The following PKN3 variants were observed in gnomAD, a reference collection of about 807,000 sequenced individuals.
The protein encoded by PKN3 is protein kinase N3, also known as serine/threonine-protein kinase N3.
PKN3 carries 91 observed loss-of-function variants against 113.1 expected under a neutral mutation model. That is an observed-to-expected ratio of 0.80 (90% confidence interval 0.68 to 0.96). PKN3 has a LOEUF of 0.96. PKN3 is among the 40% of genes least tolerant of loss of function. PKN3 has a pLI of 0.00. For synonymous variants in PKN3, 467 were observed against 499.0 expected (o/e 0.94, Z 0.85); for missense variants, 1,052 against 1,202.2 (o/e 0.88, Z 1.85).
intron 1 of PKN3, chr9:128,703,619 G>A (rs758605763): frequency 1.6e-4 from 156 of 985,320 alleles, no homozygotes; most frequent in Non-Finnish European, 1.8e-4. Context: ...GGTTGGGAGG[G>A]GGGCATTTGC....
At chr9:128,708,859 AAG>A (rs1443865128) in intron 6 of PKN3, among the ~76,000 whole-genome samples, 1 of 146,730 alleles carries the variant, frequency 6.8e-6, no homozygotes, top group Non-Finnish European at 1.5e-5. Flanking sequence ...AAAAAAAAGA[AAG>A]AGTTTTCTGG....
At position 128,706,952 on chromosome 9, in the gene PKN3, G is replaced by T; in HGVS notation, c.580G>T (p.Ala194Ser). The change falls in exon 5 of 22, where the codon GCT (alanine) becomes TCT (serine). Residue 194 changes from alanine (A) to serine (S), a missense_variant. Physicochemically the swap from Ala to Ser is moderately conservative, Grantham distance 99. This residue lies in a region of PKN3 where 719 missense variants were observed against 759.4 expected (regional missense o/e 0.95). Transcript: ENST00000291906. ...QHRLHVEAAV[A>S]EGAKNVVKLL... ...TCGACTGCACGTTGAGGCAGCTGTG[G>T]CTGAGGGCGCCAAGAACGTGGTGAA... 1 of 1,614,220 alleles carries T rather than the reference G, an allele frequency of 6.2e-7. No homozygotes were observed. Among genetic ancestry groups the T allele is most frequent in the Non-Finnish European group, 8.5e-7 (1 of 1,180,026 alleles).
chr9:128,708,210 G>A (rs1272982661), intron 6 of PKN3, among the ~76,000 whole-genome samples: 1 of 151,702 alleles, frequency 6.6e-6, no homozygotes, highest in East Asian at 1.9e-4. Context: ...GTGAAATCCT[G>A]TCTCTACTAA....
At chr9:128,706,491 T>C (rs1862022102) in intron 3 of PKN3, among the ~76,000 whole-genome samples, 2 of 152,032 alleles carry the variant, frequency 1.3e-5, no homozygotes, top group South Asian at 4.1e-4. Flanking sequence ...ACCCCAGCCG[T>C]GATATGAAAG....
chr9:128,705,395 C>T lies in PKN3; in HGVS notation c.117C>T (p.Asn39=), dbSNP rs780765860. The T allele has an allele frequency of 8.1e-6, 13 of 1,597,512 alleles. No homozygotes were observed. The East Asian group carries it at 1.6e-4, about 20-fold the overall frequency. ...KELKIKEGVE[N]LRRVATDRRH... ...TGAAGATCAAGGAGGGGGTGGAGAACCTGCGGCGCGTGGCCACAGACCGCC... is the reference window on the plus strand; with the variant it reads ...TGAAGATCAAGGAGGGGGTGGAGAATCTGCGGCGCGTGGCCACAGACCGCC... Residue 39 remains asparagine, a synonymous_variant, in exon 2 of 22, where the codon AAC becomes AAT. Coordinates refer to ENST00000291906, the MANE Select transcript of PKN3 (RefSeq NM_013355.5).
At chr9:128,711,611 G>C (rs1449813114) in intron 6 of PKN3, among the ~76,000 whole-genome samples, 1 of 136,084 alleles carries the variant, frequency 7.3e-6, no homozygotes, top group Non-Finnish European at 1.6e-5. Context: ...TTTTTGGGGG[G>C]GGTGGGGGAC....
chr9:128,714,843 T>C lies in PKN3; in HGVS notation c.1630T>C (p.Ser544Pro). The change falls in exon 13 of 22, where the codon TCT (serine) becomes CCT (proline). Residue 544 changes from serine (S) to proline (P), a missense_variant. By Grantham distance (74) the Ser-to-Pro change is moderately conservative. This residue lies in a region of PKN3 where 719 missense variants were observed against 759.4 expected (regional missense o/e 0.95). Coordinates refer to ENST00000291906, the MANE Select transcript of PKN3 (RefSeq NM_013355.5). ...GGAGCCTAGGACTCGACGTGGGCCA[T>C]CTCCACCAGCCTCCCCCACCAGGTA... The part of the protein sequence containing the change: ...HMEPRTRRGP[S>P]PPASPTRKPP... 4 of 1,613,974 alleles carry C rather than the reference T, an allele frequency of 2.5e-6. No homozygotes were observed. The South Asian group carries it at 4.4e-5, about 18-fold the overall frequency.
Position 128,715,692 on chromosome 9 carries a change from C to A in PKN3, c.1808+232C>A, listed in dbSNP as rs1862318477. Reference sequence around the variant, plus strand: ...CATTGGTGGCTGTGCACGTTCAGAGCTCCTTGTGAGCCCCTGACATATAGA... The same window carrying A: ...CATTGGTGGCTGTGCACGTTCAGAGATCCTTGTGAGCCCCTGACATATAGA... On this transcript the variant is annotated intron_variant, in intron 15 of 21. Coordinates refer to ENST00000291906, the MANE Select transcript of PKN3 (RefSeq NM_013355.5). The surrounding 1 kb of genome is among the most constrained non-coding windows in gnomAD (Gnocchi z 4.1). Among the ~76,000 whole-genome samples the A allele has an allele frequency of 6.6e-6, 1 of 152,162 alleles. No individual in the cohort carries two copies. The highest frequency in any genetic ancestry group is 1.5e-5 in the Non-Finnish European group (1 of 68,042).
rs1862484885 is a variant in PKN3, at chr9:128,720,063, C to A, written c.2376+46C>A. On this transcript the variant is annotated intron_variant, in intron 20 of 21. Coordinates refer to ENST00000291906, the MANE Select transcript of PKN3 (RefSeq NM_013355.5). This position sits in a 1 kb window ranked among gnomAD's most constrained non-coding sequence, Gnocchi z 5.5. ...GGCTGGGCTGGATGGCCGCTCAAGG[C>A]CCATGTGCCCTCTGCCGTGGGACAG... 6.4e-7 allele frequency: 1 copy of A among 1,560,266 alleles called. No homozygotes were observed. The highest frequency in any genetic ancestry group is 8.8e-7 in the Non-Finnish European group (1 of 1,131,478).
At position 128,713,373 on chromosome 9, in the gene PKN3, A is replaced by C. The variant is rs1172384585; in HGVS notation, c.1078A>C (p.Ile360Leu). Residue 360 changes from isoleucine (I) to leucine (L), a missense_variant, in exon 8 of 22, where the codon ATC (isoleucine) becomes CTC (leucine). Ile to Leu is a conservative substitution (Grantham distance 5). Coordinates refer to ENST00000291906, the MANE Select transcript of PKN3 (RefSeq NM_013355.5). ...AEQSWDQTFV[I>L]PLERARELEI... ...ACAGTCCTGGGACCAGACCTTTGTC[A>C]TCCCACTGGAGCGAGTAAGGCTGGC... 4 of 1,613,904 alleles carry C rather than the reference A, an allele frequency of 2.5e-6. No homozygotes were observed. Among genetic ancestry groups the C allele is most frequent in the Non-Finnish European group, 3.4e-6 (4 of 1,179,988 alleles).
Position 128,702,701 on chromosome 9 carries a change from C to G in PKN3, c.-215C>G. Reference sequence around the variant, plus strand: ...TGGATCCGAGGGAGGCGCTGGGGCGCGGGACCTCGGGCGTGGGGTCCCGGG... The same window carrying G: ...TGGATCCGAGGGAGGCGCTGGGGCGGGGGACCTCGGGCGTGGGGTCCCGGG... On this transcript the variant is annotated 5_prime_UTR_variant, in exon 1 of 22. Coordinates refer to ENST00000291906, the MANE Select transcript of PKN3 (RefSeq NM_013355.5). The G allele has an allele frequency of 4.3e-6, 2 of 470,264 alleles. No individual in the cohort carries two copies. The highest frequency in any genetic ancestry group is 7.4e-6 in the Non-Finnish European group (2 of 270,056). 29.1% of individuals were successfully genotyped at this position (470,264 alleles called of 1,614,324 possible). A position where few individuals can be genotyped will look rare whatever the true frequency, so the allele number is the denominator to read the frequency against.
At chr9:128,710,510 G>A (rs546345787) in intron 6 of PKN3, among the ~76,000 whole-genome samples, 182 of 150,568 alleles carry the variant, frequency 1.2e-3, no homozygotes, top group African/African-American at 4.1e-3. Context: ...TTTTTTTTTT[G>A]AGATGGAGTC....
intron 8 of PKN3, 30 bp downstream of exon 8, chr9:128,713,417 G>A: frequency 6.2e-7 from 1 of 1,612,798 alleles, no homozygotes; most frequent in Non-Finnish European, 8.5e-7. Context: ...GGTCAGGGGT[G>A]ACCTTGGGCT....
intron 1 of PKN3, chr9:128,703,576 G>A: frequency 1.0e-6 from 1 of 985,466 alleles, no homozygotes; most frequent in Non-Finnish European, 1.2e-6. Context: ...TGCTCCTGAG[G>A]AGGGAGAGGT....
Position 128,714,246 on chromosome 9 carries a change from G to A in PKN3, c.1362G>A (p.Trp454Ter), listed in dbSNP as rs139012351. 5.0e-6 allele frequency: 8 copies of A among 1,613,786 alleles called. No homozygotes were observed. The African/African-American group carries it at 8.0e-5, about 16-fold the overall frequency. ...ASQMNLGMAA[W>*]GRLVMNLLPP... is the part of the protein sequence containing the mutation. Reference sequence around the variant, plus strand: ...AGATGAACCTCGGCATGGCGGCCTGGGGGCGCCTCGTCATGAACCTGCTGC... The same window carrying A: ...AGATGAACCTCGGCATGGCGGCCTGAGGGCGCCTCGTCATGAACCTGCTGC... The change falls in exon 11 of 22, where the codon TGG becomes TGA. Residue 454 changes from tryptophan (W) to a stop codon, truncating the protein, a stop_gained. Coordinates refer to ENST00000291906, the MANE Select transcript of PKN3 (RefSeq NM_013355.5). LOFTEE classifies it high-confidence loss of function.
intron 6 of PKN3, 108 bp from the exon 7 acceptor site, chr9:128,712,944 G>A: frequency 8.0e-7 from 1 of 1,254,630 alleles, no homozygotes; most frequent in East Asian, 2.3e-5. Flanking sequence ...TACGGTCTGG[G>A]TTCAGCCACC....
In PKN3 at chr9:128,715,536, G is replaced by C; in HGVS notation, c.1808+76G>C. 1 of 1,170,510 alleles carries C rather than the reference G, an allele frequency of 8.5e-7. No individual in the cohort carries two copies. The highest frequency in any genetic ancestry group is 1.3e-6 in the Non-Finnish European group (1 of 788,856). The allele number at this position is 1,170,510 out of a possible 1,614,324, so 72.5% of individuals were successfully genotyped here. A position where few individuals can be genotyped will look rare whatever the true frequency, so the allele number is the denominator to read the frequency against. On this transcript the variant is annotated intron_variant, in intron 15 of 21. Coordinates refer to ENST00000291906, the MANE Select transcript of PKN3 (RefSeq NM_013355.5). This position sits in a 1 kb window ranked among gnomAD's most constrained non-coding sequence, Gnocchi z 4.1. ...ATCCAGAGGGCAGTTGAAGGTTCCT[G>C]GGGCTTTGGAGAGGTGACCCCGTGG... is the stretch of plus-strand genomic sequence containing the variant.
intron 6 of PKN3, among the ~76,000 whole-genome samples, chr9:128,709,581 G>A (rs570069479): frequency 4.0e-5 from 6 of 151,634 alleles, no homozygotes; most frequent in Non-Finnish European, 5.9e-5. Flanking sequence ...GAGAAACCCC[G>A]TCTCTACTAA....
chr9:128,714,420 C>G, intron 11 of PKN3, 55 bp downstream of exon 11: 1 of 1,441,148 alleles, frequency 6.9e-7, no homozygotes, highest in Non-Finnish European at 9.7e-7. Flanking sequence ...CTTCCTGACT[C>G]CAGATCCAGG....
Sources: gnomAD v4.1 joint callset for allele counts (sites outside exome capture counted in the v4.1 genomes callset) on GRCh38, gnomAD v4.1.1 for gene constraint, gnomAD v4.1.1 regional missense constraint, Gnocchi (gnomAD v3.1) non-coding constraint, MANE v1.5 for transcripts, NCBI Gene and HGNC (gene_info 2026-07-23, HGNC 2026-07-21) for gene names.